The following ITCH variants were observed in gnomAD, a reference collection of about 807,000 sequenced individuals.
ITCH encodes E3 ubiquitin-protein ligase Itchy homolog.
Under a neutral mutation model 126.8 loss-of-function variants are expected in ITCH, and 28 were observed. The ratio of observed to expected loss-of-function variants is 0.22; its 90% confidence interval spans 0.16 to 0.30. The LOEUF is 0.30. ITCH is among the 10% of genes least tolerant of loss of function. The probability of loss-of-function intolerance (pLI) is 1.00; values close to 1 mark genes in which losing one functional copy is unlikely to be tolerated. For synonymous variants in ITCH, 342 were observed against 340.0 expected (o/e 1.01, Z -0.06); for missense variants, 631 against 1,032.4 (o/e 0.61, Z 5.33).
At chr20:34,471,968 C>T (rs759287104) in intron 16 of ITCH, among the ~76,000 whole-genome samples, 2 of 151,832 alleles carry the variant, frequency 1.3e-5, no homozygotes, top group East Asian at 1.9e-4. Flanking sequence ...TTACAATAAG[C>T]GTATGTTACT....
At chr20:34,375,041 T>G (rs2037782053) in intron 2 of ITCH, among the ~76,000 whole-genome samples, 1 of 144,764 alleles carries the variant, frequency 6.9e-6, no homozygotes, top group Non-Finnish European at 1.5e-5. Context: ...ACGCCTGGCG[T>G]GATTTTTTTT....
At chr20:34,452,069 CAA>C (rs765697780) in intron 12 of ITCH, among the ~76,000 whole-genome samples, 23 of 53,284 alleles carry the variant, frequency 4.3e-4, no homozygotes, top group South Asian at 6.1e-4. Context: ...GACCCTGTCT[CAA>C]AAAAAAAAAA....
chr20:34,437,334 C>A (rs903989586), intron 7 of ITCH, among the ~76,000 whole-genome samples: 1 of 152,146 alleles, frequency 6.6e-6, no homozygotes, highest in Non-Finnish European at 1.5e-5. Context: ...GAGACAGGGT[C>A]TCACTCTGTC....
At position 34,480,740 on chromosome 20, in the gene ITCH, T is replaced by C. The variant is rs755345329; in HGVS notation, c.1952+8T>C. Reference sequence around the variant, plus strand: ...TTCTCTCATCTGGGTTAAGTAAGTTTCTTTTTCCATGTAATTTATTAAAAT... The same window carrying C: ...TTCTCTCATCTGGGTTAAGTAAGTTCCTTTTTCCATGTAATTTATTAAAAT... On this transcript the variant is annotated splice_region_variant and intron_variant, in intron 19 of 24. Coordinates refer to ENST00000374864, the MANE Select transcript of ITCH (RefSeq NM_031483.7). 2.5e-6 allele frequency: 4 copies of C among 1,587,782 alleles called. No homozygotes were observed. Among genetic ancestry groups the C allele is most frequent in the Non-Finnish European group, 3.5e-6 (4 of 1,158,220 alleles).
intron 7 of ITCH, among the ~76,000 whole-genome samples, chr20:34,426,171 T>A (rs1264678654): frequency 2.0e-5 from 3 of 152,186 alleles, no homozygotes; most frequent in African/African-American, 7.2e-5. Context: ...GATTCTTTGT[T>A]TTTCTCAAAT....
At chr20:34,431,285 C>T (rs948671305) in intron 7 of ITCH, among the ~76,000 whole-genome samples, 47 of 152,080 alleles carry the variant, frequency 3.1e-4, no homozygotes, top group African/African-American at 1.1e-3. Context: ...AGGTAGCATG[C>T]TCCTGTAGTC....
intron 22 of ITCH, among the ~76,000 whole-genome samples, chr20:34,491,679 C>T (rs868091794): frequency 6.6e-6 from 1 of 152,110 alleles, no homozygotes; most frequent in Admixed American, 6.5e-5. Flanking sequence ...AATAATACTA[C>T]AATAGGATAA....
At chr20:34,371,766 G>A (rs1241703328) in intron 2 of ITCH, among the ~76,000 whole-genome samples, 1 of 152,128 alleles carries the variant, frequency 6.6e-6, no homozygotes, top group Non-Finnish European at 1.5e-5. Flanking sequence ...AAAGGTATTT[G>A]AGCCAACATT....
At chr20:34,452,801 T>C (rs555057603) in intron 12 of ITCH, among the ~76,000 whole-genome samples, 1 of 152,278 alleles carries the variant, frequency 6.6e-6, no homozygotes, top group South Asian at 2.1e-4. Context: ...GCCTCCTGAG[T>C]AGCTGGAATT....
At chr20:34,429,895 CTG>C (rs1019835520) in intron 7 of ITCH, among the ~76,000 whole-genome samples, 3 of 151,920 alleles carry the variant, frequency 2.0e-5, no homozygotes, top group African/African-American at 7.3e-5. Context: ...GAGCTATAAA[CTG>C]TATATGCATG....
At chr20:34,388,879 T>C (rs1381050400) in intron 2 of ITCH, among the ~76,000 whole-genome samples, 2 of 152,170 alleles carry the variant, frequency 1.3e-5, no homozygotes, top group African/African-American at 4.8e-5. Context: ...GAAAACACAA[T>C]GCATAAAGTT....
chr20:34,502,242 G>GTA (rs1990297635), intron 23 of ITCH, among the ~76,000 whole-genome samples: 1 of 152,048 alleles, frequency 6.6e-6, no homozygotes, highest in Non-Finnish European at 1.5e-5. Context: ...ATGCTGCTAG[G>GTA]TATGGTGGGC....
At chr20:34,408,578 T>C in intron 3 of ITCH, 73 bp from the exon 4 acceptor site, 1 of 1,385,316 alleles carries the variant, frequency 7.2e-7, no homozygotes, top group Non-Finnish European at 1.0e-6. Flanking sequence ...TCTGCCTAAT[T>C]ATGAAGTTAA....
intron 7 of ITCH, among the ~76,000 whole-genome samples, chr20:34,430,098 T>C (rs1231232493): frequency 6.6e-6 from 1 of 152,254 alleles, no homozygotes; most frequent in Non-Finnish European, 1.5e-5. Context: ...TTTGCCTTTA[T>C]ATGATAGACA....
intron 7 of ITCH, among the ~76,000 whole-genome samples, chr20:34,434,944 C>T (rs1982810326): frequency 6.6e-6 from 1 of 152,072 alleles, no homozygotes; most frequent in African/African-American, 2.4e-5. Flanking sequence ...GACTGAAGCA[C>T]AATTTTAATT....
At chr20:34,460,424 A>G (rs1350437006) in intron 13 of ITCH, among the ~76,000 whole-genome samples, 2 of 147,246 alleles carry the variant, frequency 1.4e-5, no homozygotes, top group African/African-American at 2.5e-5. Context: ...AGTTGTTGCC[A>G]AACACACAAA....
rs1480767087 is a variant in ITCH at position 34,391,026 on chromosome 20, T to A, written c.-21-2765T>A. 5.9e-5 allele frequency among the ~76,000 whole-genome samples: 9 copies of A among 152,330 alleles called. No individual in the cohort carries two copies. In the East Asian group the frequency reaches 1.7e-3, roughly 29 times the overall value. Reference sequence around the variant, plus strand: ...TCTTGGCCTCCCAGAGTGCTGGGATTACAGGAGTGAGTCACCACGCCCGGC... The same window carrying A: ...TCTTGGCCTCCCAGAGTGCTGGGATAACAGGAGTGAGTCACCACGCCCGGC... On this transcript the variant is annotated intron_variant, in intron 2 of 24. Transcript: ENST00000374864.
intron 23 of ITCH, among the ~76,000 whole-genome samples, chr20:34,501,435 C>G (rs1990239045): frequency 6.6e-6 from 1 of 152,140 alleles, no homozygotes; most frequent in Non-Finnish European, 1.5e-5. Context: ...TTTGTTCCTA[C>G]TTATAAGAAA....
At chr20:34,475,027 G>T (rs1316559829) in intron 16 of ITCH, among the ~76,000 whole-genome samples, 1 of 151,148 alleles carries the variant, frequency 6.6e-6, no homozygotes, top group African/African-American at 2.4e-5. Context: ...GGGGCGGCGG[G>T]GCAGAGGCGC....
Sources: allele counts gnomAD v4.1 joint callset (sites outside exome capture counted in the v4.1 genomes callset), GRCh38; gene constraint gnomAD v4.1.1; transcripts MANE v1.5; gene names NCBI Gene and HGNC (gene_info 2026-07-23, HGNC 2026-07-21).